DUSP22: variants seen among roughly 807,000 people sequenced by gnomAD.
DUSP22 encodes dual specificity phosphatase 22, also known as dual specificity protein phosphatase 22.
Under a neutral mutation model 24.5 loss-of-function variants are expected in DUSP22, and 24 were observed. That is an observed-to-expected ratio of 0.98 (90% CI 0.71 to 1.38). DUSP22 has a LOEUF of 1.38. Among genes scored for constraint, DUSP22 ranks in the 40% most tolerant of loss-of-function variants. DUSP22 has a pLI of 0.00. For synonymous variants in DUSP22, 160 were observed against 106.4 expected (o/e 1.50, Z -3.10); for missense variants, 330 against 269.2 (o/e 1.23, Z -1.58).
intron 1 of DUSP22, 34 bp downstream of exon 1, chr6:292,594 T>C (rs765933278): frequency 1.3e-6 from 2 of 1,586,018 alleles, no homozygotes; most frequent in South Asian, 2.2e-5. Context: ...TGGGTTTGCC[T>C]CCGCTCCGAC....
intron 3 of DUSP22, among the ~76,000 whole-genome samples, chr6:322,602 T>C (rs945440771): frequency 3.3e-5 from 5 of 152,304 alleles, no homozygotes; most frequent in Non-Finnish European, 5.9e-5. Flanking sequence ...TCAGAGGAGA[T>C]GCAATTCTGT....
At chr6:338,383 T>C (rs1405994065) in intron 4 of DUSP22, among the ~76,000 whole-genome samples, 2 of 152,300 alleles carry the variant, frequency 1.3e-5, no homozygotes, top group African/African-American at 4.8e-5. Context: ...ATGGTGAGCA[T>C]ATTTTCACCA....
At chr6:299,804 T>C (rs1757501567) in intron 1 of DUSP22, among the ~76,000 whole-genome samples, 1 of 152,302 alleles carries the variant, frequency 6.6e-6, no homozygotes, top group African/African-American at 2.4e-5. Flanking sequence ...ATGCCACAGG[T>C]GTGGCCGGGC....
At chr6:302,022 C>T (rs891032998) in intron 1 of DUSP22, among the ~76,000 whole-genome samples, 2 of 152,292 alleles carry the variant, frequency 1.3e-5, no homozygotes, top group African/African-American at 4.8e-5. Flanking sequence ...CCGAATAATC[C>T]CTCTTGATTT....
intron 1 of DUSP22, among the ~76,000 whole-genome samples, chr6:293,301 C>T (rs1411813413): frequency 6.6e-6 from 1 of 152,284 alleles, no homozygotes; most frequent in African/African-American, 2.4e-5. Flanking sequence ...GGGAAGTTGC[C>T]AGATTCCAGC....
chr6:301,665 C>T (rs899725360), intron 1 of DUSP22, among the ~76,000 whole-genome samples: 15 of 152,400 alleles, frequency 9.8e-5, no homozygotes, highest in African/African-American at 1.7e-4. Flanking sequence ...TTCTAATTCC[C>T]GGGAGGAGGG....
At position 349,672 on chromosome 6, in the gene DUSP22, A is replaced by G. The variant is rs1031471207; in HGVS notation, c.*721A>G. ...CTGGTCCAGTGGGCCAGCACTTTAT[A>G]CCAACTCAGCATTTAAGGGAAGTAT... On this transcript the variant is annotated 3_prime_UTR_variant, in exon 7 of 7. Transcript: ENST00000419235. The G allele has an allele frequency of 1.1e-5, 11 of 986,156 alleles. No individual in the cohort carries two copies. Among genetic ancestry groups the G allele is most frequent in the Non-Finnish European group, 1.2e-5 (10 of 830,408 alleles). The allele number at this position is 986,156 out of a possible 1,614,324, so 61.1% of individuals were successfully genotyped here.
chr6:339,536 G>A (rs1350087766), intron 4 of DUSP22, among the ~76,000 whole-genome samples: 1 of 152,294 alleles, frequency 6.6e-6, no homozygotes. Context: ...CATGAAGCAA[G>A]TAATTACAGA....
intron 1 of DUSP22, among the ~76,000 whole-genome samples, chr6:298,030 G>A (rs1315116854): frequency 6.6e-6 from 1 of 152,310 alleles, no homozygotes; most frequent in African/African-American, 2.4e-5. Flanking sequence ...CCTCCTGCAG[G>A]AAATGAACAC....
intron 1 of DUSP22, among the ~76,000 whole-genome samples, chr6:301,633 A>T (rs1393351470): frequency 1.3e-5 from 2 of 152,300 alleles, no homozygotes; most frequent in Non-Finnish European, 2.9e-5. Context: ...CGCAAGGCTG[A>T]GGAGGGAGAC....
intron 3 of DUSP22, among the ~76,000 whole-genome samples, chr6:321,027 G>C (rs1758564317): frequency 1.3e-5 from 2 of 152,302 alleles, no homozygotes; most frequent in Non-Finnish European, 2.9e-5. Context: ...TGGGCACCCA[G>C]GGGAGGCGGC....
chr6:312,954 G>A (rs1312551439), intron 3 of DUSP22, among the ~76,000 whole-genome samples: 2 of 149,888 alleles, frequency 1.3e-5, no homozygotes, highest in Non-Finnish European at 3.0e-5. Flanking sequence ...TCCTTGTATT[G>A]TTTAGCTCAT....
intron 4 of DUSP22, among the ~76,000 whole-genome samples, chr6:341,870 C>T (rs935111896): frequency 1.2e-4 from 19 of 152,412 alleles, no homozygotes; most frequent in African/African-American, 4.1e-4. Context: ...TCTCTGGGCA[C>T]GGATGGGTTT....
chr6:310,658 T>A (rs530732700), intron 2 of DUSP22, among the ~76,000 whole-genome samples: 3 of 152,422 alleles, frequency 2.0e-5, no homozygotes, highest in Admixed American at 6.5e-5. Flanking sequence ...ATGGGCAGTT[T>A]CCTTTGTCTT....
At chr6:300,007 C>T (rs551784804) in intron 1 of DUSP22, among the ~76,000 whole-genome samples, 602 of 152,168 alleles carry the variant, frequency 4.0e-3, no homozygotes, top group African/African-American at 0.014. Flanking sequence ...GAGAACCAAT[C>T]GAGTTCAAAA....
At chr6:342,403 G>A (rs1207310426) in intron 4 of DUSP22, among the ~76,000 whole-genome samples, 1 of 152,308 alleles carries the variant, frequency 6.6e-6, no homozygotes, top group Non-Finnish European at 1.5e-5. Context: ...GACCAAGGAG[G>A]GTGCCGTCCA....
At chr6:317,161 CTTTA>C (rs1454639217) in intron 3 of DUSP22, among the ~76,000 whole-genome samples, 1 of 152,298 alleles carries the variant, frequency 6.6e-6, no homozygotes, top group Non-Finnish European at 1.5e-5. Context: ...GTACTTCTGT[CTTTA>C]TTTACCTGCT....
Position 351,066 on chromosome 6 carries a change from C to G in DUSP22, c.*2115C>G. The G allele has an allele frequency of 1.2e-6, 1 of 851,434 alleles. No homozygotes were observed. Among genetic ancestry groups the G allele is most frequent in the South Asian group, 1.8e-5 (1 of 55,622 alleles). 52.7% of individuals were successfully genotyped at this position (851,434 alleles called of 1,614,324 possible). On this transcript the variant is annotated 3_prime_UTR_variant, in exon 7 of 7. Coordinates refer to ENST00000419235, the MANE Select transcript of DUSP22 (RefSeq NM_001286555.3). Reference sequence around the variant, plus strand: ...CAAGAGAAAATATTTTCCCCTTATCCCCACTGCTGTGGAGGTTTCTGTACC... The same window carrying G: ...CAAGAGAAAATATTTTCCCCTTATCGCCACTGCTGTGGAGGTTTCTGTACC...
chr6:301,706 C>T (rs562706944), intron 1 of DUSP22, among the ~76,000 whole-genome samples: 143 of 152,322 alleles, frequency 9.4e-4, no homozygotes, highest in African/African-American at 2.9e-3. Flanking sequence ...GGTGCCACAG[C>T]GGTGGGAGCC....
Sources: allele counts gnomAD v4.1 joint callset (sites outside exome capture counted in the v4.1 genomes callset), GRCh38; gene constraint gnomAD v4.1.1; transcripts MANE v1.5; gene names NCBI Gene and HGNC (gene_info 2026-07-23, HGNC 2026-07-21).